The following DZIP1L variants were observed in gnomAD, a reference collection of about 807,000 sequenced individuals.
DZIP1L encodes DAZ interacting zinc finger protein 1 like.
DZIP1L carries 90 observed loss-of-function variants against 88.7 expected under a neutral mutation model. That is an observed-to-expected ratio of 1.02 (90% CI 0.86 to 1.21). The LOEUF is 1.21. Ranked by LOEUF, DZIP1L falls within the 50% of genes most tolerant of loss-of-function variation. The pLI is 0.00. For synonymous variants in DZIP1L, 363 were observed against 372.1 expected (o/e 0.98, Z 0.28); for missense variants, 932 against 955.8 (o/e 0.98, Z 0.33).
At chr3:138,064,809 GA>G in intron 14 of DZIP1L, 42 bp from the exon 15 acceptor site, 1 of 1,535,492 alleles carries the variant, frequency 6.5e-7, no homozygotes, top group South Asian at 1.3e-5. Flanking sequence ...GAGAAGCCTA[GA>G]AAATGAACAT....
At chr3:138,089,886 A>T (rs1276267722) in intron 5 of DZIP1L, among the ~76,000 whole-genome samples, 1 of 152,102 alleles carries the variant, frequency 6.6e-6, no homozygotes, top group Non-Finnish European at 1.5e-5. Context: ...CAGTGACTCA[A>T]GCCTGTAATC....
intron 2 of DZIP1L, among the ~76,000 whole-genome samples, chr3:138,103,142 C>G (rs1415077697): frequency 6.7e-6 from 1 of 148,296 alleles, no homozygotes; most frequent in Non-Finnish European, 1.5e-5. Flanking sequence ...ATTAAACACA[C>G]ACACATGTTC....
At chr3:138,067,465 G>A in intron 14 of DZIP1L, 66 bp downstream of exon 14, 1 of 1,497,014 alleles carries the variant, frequency 6.7e-7, no homozygotes, top group Non-Finnish European at 8.9e-7. Flanking sequence ...GGAGCCTTGA[G>A]AAATCTGGGC....
chr3:138,092,495 T>C lies in DZIP1L; in HGVS notation c.758A>G (p.Asp253Gly). ...GGTCCACTCTTGCTCTTTCCATTTA[T>C]CAAATTCTTTCTTAGCTTCTATTTC... ...QREIEAKKEF[D>G]KWKEQEWTKL... The change falls in exon 5 of 16, where the codon GAT (aspartate) becomes GGT (glycine). Residue 253 changes from aspartate to glycine, a missense_variant. Coordinates refer to ENST00000327532, the MANE Select transcript of DZIP1L (RefSeq NM_173543.3). 5 of 1,603,150 alleles carry C rather than the reference T, an allele frequency of 3.1e-6. No individual in the cohort carries two copies. The highest frequency in any genetic ancestry group is 4.2e-6 in the Non-Finnish European group (5 of 1,176,862).
chr3:138,098,024 A>G (rs1289377275), intron 2 of DZIP1L, among the ~76,000 whole-genome samples, 177 bp from the exon 3 acceptor site: 1 of 152,206 alleles, frequency 6.6e-6, no homozygotes, highest in Non-Finnish European at 1.5e-5. Context: ...GGATCACCGG[A>G]GCTTTAAAAT....
chr3:138,077,691 G>A, intron 10 of DZIP1L, 59 bp from the exon 11 acceptor site: 1 of 1,602,490 alleles, frequency 6.2e-7, no homozygotes, highest in Non-Finnish European at 8.5e-7. Flanking sequence ...CATTCCCAGA[G>A]CCCTACTGCA....
At chr3:138,100,950 G>C (rs932078478) in intron 2 of DZIP1L, among the ~76,000 whole-genome samples, 8 of 152,072 alleles carry the variant, frequency 5.3e-5, no homozygotes, top group African/African-American at 1.9e-4. Context: ...TTCCAGAATA[G>C]GCCTGGCTCC....
chr3:138,067,676 C>A lies in DZIP1L; in HGVS notation c.1857G>T (p.Glu619Asp). ...GMSTPPFSSE[E>D]DSEGDRVQRV... ...GCTGCACACGGTCTCCCTCTGAGTC[C>A]TCTTCAGAACTGAACGGGGGCGTGC... The change falls in exon 14 of 16, where the codon GAG becomes GAT. Residue 619 changes from glutamate to aspartate, a missense_variant. Physicochemically the swap from Glu to Asp is conservative, Grantham distance 45 (BLOSUM62 2). Transcript: ENST00000327532. The A allele has an allele frequency of 6.3e-7, 1 of 1,593,394 alleles. No individual in the cohort carries two copies. The highest frequency in any genetic ancestry group is 8.5e-7 in the Non-Finnish European group (1 of 1,170,536).
intron 10 of DZIP1L, 108 bp downstream of exon 10, chr3:138,080,459 T>C (rs890239968): frequency 1.6e-6 from 2 of 1,255,920 alleles, no homozygotes; most frequent in Non-Finnish European, 2.3e-6. Flanking sequence ...ATCCCTCCAC[T>C]CCAGCTTCGG....
intron 9 of DZIP1L, 65 bp from the exon 10 acceptor site, chr3:138,080,685 G>A: frequency 6.4e-7 from 1 of 1,558,478 alleles, no homozygotes; most frequent in Non-Finnish European, 8.8e-7. Flanking sequence ...TAGAAGAAAA[G>A]TACAGAACCC....
intron 11 of DZIP1L, among the ~76,000 whole-genome samples, chr3:138,074,260 G>A (rs531599404): frequency 1.1e-3 from 165 of 152,222 alleles, no homozygotes; most frequent in Admixed American, 2.4e-3. Flanking sequence ...ATAGTCAACC[G>A]GTTATCTAAA....
intron 10 of DZIP1L, among the ~76,000 whole-genome samples, chr3:138,080,125 T>A (rs1943579143): frequency 6.6e-6 from 1 of 152,208 alleles, no homozygotes; most frequent in Non-Finnish European, 1.5e-5. Flanking sequence ...TGGATTCCTA[T>A]GCATTAGTCA....
At chr3:138,098,038 A>G (rs1944562396) in intron 2 of DZIP1L, among the ~76,000 whole-genome samples, 191 bp from the exon 3 acceptor site, 1 of 152,202 alleles carries the variant, frequency 6.6e-6, no homozygotes, top group African/African-American at 2.4e-5. Context: ...TTAAAATACT[A>G]CCAGTGTCCC....
chr3:138,092,660 T>C, intron 4 of DZIP1L, 116 bp from the exon 5 acceptor site: 1 of 1,042,054 alleles, frequency 9.6e-7, no homozygotes, highest in African/African-American at 1.6e-5. Context: ...CCAAAGAGCA[T>C]TCATCCCACA....
chr3:138,110,815 T>C (rs1309951445), intron 1 of DZIP1L, among the ~76,000 whole-genome samples: 2 of 152,208 alleles, frequency 1.3e-5, no homozygotes, highest in African/African-American at 2.4e-5. Context: ...CAACCTATTA[T>C]GCAGATGAAG....
chr3:138,109,184 T>C (rs2042575315), intron 1 of DZIP1L, among the ~76,000 whole-genome samples: 1 of 152,246 alleles, frequency 6.6e-6, no homozygotes, highest in Admixed American at 6.5e-5. Context: ...CCATTTACCA[T>C]ATTACTTGCC....
At chr3:138,100,088 T>TC (rs1468412395) in intron 2 of DZIP1L, among the ~76,000 whole-genome samples, 1 of 150,656 alleles carries the variant, frequency 6.6e-6, no homozygotes, top group East Asian at 2.0e-4. Flanking sequence ...GCTCAGGTAA[T>TC]CCCCCCAGGA....
At chr3:138,072,009 A>G (rs2107746009) in intron 11 of DZIP1L, among the ~76,000 whole-genome samples, 174 bp from the exon 12 acceptor site, 1 of 152,298 alleles carries the variant, frequency 6.6e-6, no homozygotes, top group South Asian at 2.1e-4. Context: ...AGCGGCTTCA[A>G]AGTTGCTGAA....
At chr3:138,115,191 T>C (rs1281133931) in intron 1 of DZIP1L, 137 bp downstream of exon 1, 1 of 152,252 alleles carries the variant, frequency 6.6e-6, no homozygotes, top group Non-Finnish European at 1.5e-5. Flanking sequence ...CGCGCCCCGC[T>C]GCACCCCGGC....
Sources: gnomAD v4.1 joint callset for allele counts (sites outside exome capture counted in the v4.1 genomes callset) on GRCh38, gnomAD v4.1.1 for gene constraint, MANE v1.5 for transcripts, NCBI Gene and HGNC (gene_info 2026-07-23, HGNC 2026-07-21) for gene names.